NXPE2: variants seen among roughly 807,000 people sequenced by gnomAD.
The protein encoded by NXPE2 is neurexophilin and PC-esterase domain family member 2, also known as NXPE family member 2.
In NXPE2, 34 loss-of-function variants were observed where a neutral mutation model predicts 34.4. That is an observed-to-expected ratio of 0.99 (90% CI 0.75 to 1.31). The LOEUF (loss-of-function observed/expected upper bound fraction) is 1.31. Among genes scored for constraint, NXPE2 ranks in the 40% most tolerant of loss-of-function variants. The pLI is 0.00. For synonymous variants in NXPE2, 235 were observed against 231.3 expected, an observed-to-expected ratio of 1.02 and a Z score of -0.15; for missense variants, 649 against 672.5, an observed-to-expected ratio of 0.97 and a Z score of 0.39.
the NXPE2 span, among the ~76,000 whole-genome samples, chr11:114,561,811 T>C: frequency 1.3e-4 from 20 of 152,334 alleles, no homozygotes; most frequent in African/African-American, 4.8e-4. Flanking sequence ...AGACCTGAGA[T>C]CTAATATCTG....
the NXPE2 span, among the ~76,000 whole-genome samples, chr11:114,664,415 T>A: frequency 1.3e-5 from 2 of 152,100 alleles, no homozygotes; most frequent in African/African-American, 4.8e-5. Flanking sequence ...ATTGTGGTGG[T>A]AGTTACATTA....
the NXPE2 span, among the ~76,000 whole-genome samples, chr11:114,559,014 C>G: frequency 6.6e-6 from 1 of 152,136 alleles, no homozygotes. Flanking sequence ...AGATACAACT[C>G]ACTAGATTTA....
the NXPE2 span, among the ~76,000 whole-genome samples, chr11:114,564,634 A>G: frequency 1.5e-4 from 23 of 152,182 alleles, no homozygotes; most frequent in African/African-American, 5.5e-4. Flanking sequence ...CTGGGACTTG[A>G]CTGACCCAGA....
At chr11:114,744,498 CTT>C in the NXPE2 span, among the ~76,000 whole-genome samples, 1 of 152,084 alleles carries the variant, frequency 6.6e-6, no homozygotes, top group African/African-American at 2.4e-5. Context: ...TACAAAATCT[CTT>C]TATGTATTTT....
chr11:114,648,595 A>C, the NXPE2 span, among the ~76,000 whole-genome samples: 7 of 152,224 alleles, frequency 4.6e-5, no homozygotes, highest in Non-Finnish European at 8.8e-5. Context: ...GACCCAGTCA[A>C]GTTGATACAT....
the NXPE2 span, among the ~76,000 whole-genome samples, chr11:114,615,950 C>T: frequency 4.0e-5 from 6 of 151,676 alleles, no homozygotes; most frequent in Middle Eastern, 3.4e-3. Context: ...TGGGTAACCA[C>T]TGTTACCCAT....
chr11:114,749,317 G>A, the NXPE2 span, among the ~76,000 whole-genome samples: 1 of 152,102 alleles, frequency 6.6e-6, no homozygotes, highest in Non-Finnish European at 1.5e-5. Flanking sequence ...ATACATTTAT[G>A]TATATGTATA....
At chr11:114,534,659 G>A in the NXPE2 span, among the ~76,000 whole-genome samples, 2 of 152,200 alleles carry the variant, frequency 1.3e-5, no homozygotes, top group South Asian at 2.1e-4. Flanking sequence ...AGTAACCGAT[G>A]TGATCAACTG....
the NXPE2 span, among the ~76,000 whole-genome samples, chr11:114,636,159 C>T: frequency 1.3e-5 from 2 of 152,006 alleles, no homozygotes; most frequent in South Asian, 4.2e-4. Flanking sequence ...TTGGTCTATT[C>T]AGAGATTCAA....
At chr11:114,729,733 C>T in the NXPE2 span, among the ~76,000 whole-genome samples, 8 of 151,978 alleles carry the variant, frequency 5.3e-5, no homozygotes, top group African/African-American at 1.4e-4. Context: ...ATGTTTTTTG[C>T]CGACTTTTAA....
the NXPE2 span, among the ~76,000 whole-genome samples, chr11:114,654,801 A>G: frequency 6.6e-6 from 1 of 152,186 alleles, no homozygotes; most frequent in African/African-American, 2.4e-5. Flanking sequence ...GTGTCTTTAT[A>G]GTAGAATGAT....
the NXPE2 span, among the ~76,000 whole-genome samples, chr11:114,649,679 C>T: frequency 4.6e-5 from 7 of 152,226 alleles, no homozygotes; most frequent in Non-Finnish European, 8.8e-5. Flanking sequence ...AGACTGGAGG[C>T]GGGGGTAACA....
chr11:114,642,385 T>C, the NXPE2 span, among the ~76,000 whole-genome samples: 1 of 151,930 alleles, frequency 6.6e-6, no homozygotes, highest in African/African-American at 2.4e-5. Context: ...CATCCCACCA[T>C]CTACAGTAGG....
intron 2 of NXPE2, 63 bp downstream of exon 2, chr11:114,679,825 C>G (rs1339264086): frequency 1.1e-6 from 1 of 918,140 alleles, no homozygotes; most frequent in African/African-American, 1.7e-5. Flanking sequence ...GAATGACCCC[C>G]TTTATCATGG....
the NXPE2 span, among the ~76,000 whole-genome samples, chr11:114,542,165 GTCTTT>G: frequency 6.6e-6 from 1 of 151,950 alleles, no homozygotes. Context: ...CCTTATTTAT[GTCTTT>G]TCTTAAATTC....
the NXPE2 span, chr11:114,528,964 C>T: frequency 1.4e-5 from 6 of 442,876 alleles, no homozygotes; most frequent in South Asian, 3.3e-4. Context: ...CTTAACTGTG[C>T]TTTTACTTTT....
chr11:114,801,841 A>G, the NXPE2 span, among the ~76,000 whole-genome samples: 3 of 152,150 alleles, frequency 2.0e-5, no homozygotes, highest in Non-Finnish European at 4.4e-5. Context: ...AGCCCAGGTT[A>G]GGGGGTAGGG....
the NXPE2 span, among the ~76,000 whole-genome samples, chr11:114,628,663 C>A: frequency 7.2e-6 from 1 of 138,994 alleles, no homozygotes; most frequent in Non-Finnish European, 1.5e-5. Context: ...CAAGAAATAA[C>A]TAAAATCAGA....
At chr11:114,613,369 C>A in the NXPE2 span, among the ~76,000 whole-genome samples, 284 of 151,838 alleles carry the variant, frequency 1.9e-3, no homozygotes, top group Middle Eastern at 0.01. Flanking sequence ...ACCACGGTTA[C>A]CCTGTGGAAA....
Sources: gnomAD v4.1 joint callset for allele counts (sites outside exome capture counted in the v4.1 genomes callset) on GRCh38, gnomAD v4.1.1 for gene constraint, MANE v1.5 for transcripts, NCBI Gene and HGNC (gene_info 2026-07-23, HGNC 2026-07-21) for gene names.